Variants in BZW1 observed in about 807,000 individuals in gnomAD.
The protein encoded by BZW1 is eIF5-mimic protein 2.
BZW1 carries 3 observed loss-of-function variants against 54.1 expected under a neutral mutation model. That is an observed-to-expected ratio of 0.06 (90% CI 0.03 to 0.14). The LOEUF is 0.14. Among genes scored for constraint, BZW1 ranks in the 10% least tolerant of loss-of-function variants. The pLI is 1.00. For synonymous variants in BZW1, 152 were observed against 162.7 expected (o/e 0.93, Z 0.50); for missense variants, 206 against 491.7 (o/e 0.42, Z 5.50).
rs2038714339 is a variant in BZW1 at position 200,826,814 on chromosome 2, A to G, written c.*4636A>G. On this transcript the variant is annotated 3_prime_UTR_variant, in exon 12 of 12. Coordinates refer to ENST00000409600, the MANE Select transcript of BZW1 (RefSeq NM_001207067.2). ...GGTTGTGTAGTGCATTTGGGGTGCTACAACGTTAATCAAATATAATTGAGC... is the reference window on the plus strand; with the variant it reads ...GGTTGTGTAGTGCATTTGGGGTGCTGCAACGTTAATCAAATATAATTGAGC... The G allele has an allele frequency of 1.3e-5, 2 of 152,196 alleles. 1 individual carries two copies. The highest frequency in any genetic ancestry group is 1.3e-4 in the Admixed American group (2 of 15,282). The allele number at this position is 152,196 out of a possible 1,614,324, so 9.4% of individuals were successfully genotyped here.
upstream of BZW1, chr2:200,811,745 A>C (rs1161486234): frequency 1.3e-5 from 2 of 153,320 alleles, no homozygotes; most frequent in Admixed American, 6.5e-5. Context: ...AATAAAGAAG[A>C]CTGGAAACGT....
rs375177474 is a variant in BZW1, at chr2:200,812,572, G to A, written c.-11+582G>A. ...GTCCTGGGCGGGAAGCGGGTGATCTGTGGCTCGGGCGGGAGGCATGGGAAG... is the reference window on the plus strand; with the variant it reads ...GTCCTGGGCGGGAAGCGGGTGATCTATGGCTCGGGCGGGAGGCATGGGAAG... On this transcript the variant is annotated intron_variant, in intron 1 of 11. Transcript: ENST00000409600. 2.0e-4 allele frequency: 280 copies of A among 1,411,572 alleles called. 1 individual carries two copies. In the South Asian group the frequency reaches 2.9e-3, roughly 14 times the overall value. 87.4% of individuals were successfully genotyped at this position (1,411,572 alleles called of 1,614,324 possible).
intron 1 of BZW1, chr2:200,812,236 A>G (rs1231882666): frequency 2.4e-6 from 3 of 1,228,862 alleles, no homozygotes; most frequent in Non-Finnish European, 2.0e-6. Flanking sequence ...CTGCGAAGGC[A>G]GTGGCCGAGG....
At chr2:200,816,977 A>G (rs2038319288) in intron 5 of BZW1, 129 bp from the exon 6 acceptor site, 1 of 1,080,682 alleles carries the variant, frequency 9.3e-7, no homozygotes, top group Admixed American at 2.6e-5. Flanking sequence ...ATTGTAACTT[A>G]GATGTAAACT....
At chr2:200,819,581 G>GAGA (rs1466750111) in intron 9 of BZW1, among the ~76,000 whole-genome samples, 1 of 128,148 alleles carries the variant, frequency 7.8e-6, no homozygotes, top group Admixed American at 7.9e-5. Context: ...TTTTTCTCTT[G>GAGA]AGACAGTCTC....
At position 200,815,769 on chromosome 2, in the gene BZW1, A is replaced by G; in HGVS notation, c.336+8A>G. The G allele has an allele frequency of 6.5e-7, 1 of 1,537,818 alleles. No individual in the cohort carries two copies. Among genetic ancestry groups the G allele is most frequent in the Non-Finnish European group, 8.7e-7 (1 of 1,142,998 alleles). ...ATGCAAGCATTTGCTCAGGTAAATG[A>G]AACTTTACATAATTGTTTTCAGTTG... On this transcript the variant is annotated splice_region_variant and intron_variant, in intron 4 of 11. Coordinates refer to ENST00000409600, the MANE Select transcript of BZW1 (RefSeq NM_001207067.2).
At chr2:200,817,363 T>TA in intron 6 of BZW1, 122 bp downstream of exon 6, 3 of 1,267,452 alleles carry the variant, frequency 2.4e-6, no homozygotes, top group South Asian at 2.8e-5. Flanking sequence ...TTAAATTTAA[T>TA]AAGTTCAGTC....
intron 9 of BZW1, 81 bp from the exon 10 acceptor site, chr2:200,819,901 A>G (rs1002875638): frequency 5.6e-6 from 7 of 1,243,836 alleles, no homozygotes; most frequent in Admixed American, 3.4e-5. Flanking sequence ...GTTAAGTTCT[A>G]TATTGTCTGT....
intron 11 of BZW1, 77 bp downstream of exon 11, chr2:200,821,382 C>G: frequency 6.5e-7 from 1 of 1,543,598 alleles, no homozygotes; most frequent in South Asian, 1.2e-5. Context: ...ACACATGCTT[C>G]CTTCTTTCTG....
chr2:200,812,260 G>T (rs2038094928), intron 1 of BZW1: 4 of 1,232,080 alleles, frequency 3.2e-6, no homozygotes, highest in Non-Finnish European at 4.0e-6. Flanking sequence ...GCTCCCTCTG[G>T]GCCGTGCCCG....
At chr2:200,819,614 G>A (rs377187314) in intron 9 of BZW1, among the ~76,000 whole-genome samples, 2 of 148,490 alleles carry the variant, frequency 1.3e-5, no homozygotes, top group Non-Finnish European at 3.0e-5. Flanking sequence ...AGGCTGGAGT[G>A]CAGTGATGTG....
chr2:200,815,327 C>T lies in BZW1; in HGVS notation c.65-14C>T, dbSNP rs765414539. 3.8e-6 allele frequency: 6 copies of T among 1,577,482 alleles called. No homozygotes were observed. In the East Asian group the frequency reaches 6.8e-5, roughly 18 times the overall value. Reference sequence around the variant, plus strand: ...CTTTTAAAACTAAATGTTTTGGGTCCCTTGTCCCCCCAGATGAAAAAGAGA... The same window carrying T: ...CTTTTAAAACTAAATGTTTTGGGTCTCTTGTCCCCCCAGATGAAAAAGAGA... On this transcript the variant is annotated splice_polypyrimidine_tract_variant and intron_variant, in intron 2 of 11. Coordinates refer to ENST00000409600, the MANE Select transcript of BZW1 (RefSeq NM_001207067.2).
chr2:200,822,108 T>A (rs2038546745), intron 11 of BZW1, 39 bp from the exon 12 acceptor site: 1 of 1,569,842 alleles, frequency 6.4e-7, no homozygotes, highest in Non-Finnish European at 8.7e-7. Flanking sequence ...TTTTGCCTTC[T>A]GATACATAAT....
chr2:200,816,037 T>G lies in BZW1; in HGVS notation c.336+276T>G, dbSNP rs77610258. 3.1e-3 allele frequency among the ~76,000 whole-genome samples: 471 copies of G among 152,354 alleles called. 3 individuals carry two copies. Among genetic ancestry groups the G allele is most frequent in the African/African-American group, 0.011 (461 of 41,586 alleles). Reference sequence around the variant, plus strand: ...TCAAGCTGGAAAAGTCAGTTTCGTATTGTGATTTCTCTAGTTTATCTGCAT... The same window carrying G: ...TCAAGCTGGAAAAGTCAGTTTCGTAGTGTGATTTCTCTAGTTTATCTGCAT... On this transcript the variant is annotated intron_variant, in intron 4 of 11. Transcript: ENST00000409600.
chr2:200,812,412 A>G (rs2105859789), intron 1 of BZW1: 3 of 1,278,848 alleles, frequency 2.3e-6, no homozygotes, highest in Middle Eastern at 2.9e-4. Context: ...GGGCGGATGT[A>G]CGGGGCGCCT....
rs1559318394 is a variant in BZW1, at chr2:200,826,407, A to AGATAGATAGATAGATAGATATTTT, written c.*4229_*4230insGATAGATAGATAGATAGATATTTT. On this transcript the variant is annotated 3_prime_UTR_variant, in exon 12 of 12. Coordinates refer to ENST00000409600, the MANE Select transcript of BZW1 (RefSeq NM_001207067.2). ...TAGATAGATAGATAGATAGATAGAT[A>AGATAGATAGATAGATAGATATTTT]TTTTTTTTTTTTTTTTTTTTTTTTT... 3 of 54,948 alleles carry AGATAGATAGATAGATAGATATTTT rather than the reference A, an allele frequency of 5.5e-5. No homozygotes were observed. The highest frequency in any genetic ancestry group is 4.1e-4 in the East Asian group (1 of 2,410). 3.4% of individuals were successfully genotyped at this position (54,948 alleles called of 1,614,324 possible).
intron 6 of BZW1, 89 bp downstream of exon 6, chr2:200,817,330 A>C: frequency 6.8e-7 from 1 of 1,467,702 alleles, no homozygotes; most frequent in East Asian, 2.3e-5. Context: ...ACTTCTGTGA[A>C]AGTCTTCGTT....
chr2:200,818,662 G>C (rs1313989067), intron 8 of BZW1, 93 bp from the exon 9 acceptor site: 1 of 1,382,954 alleles, frequency 7.2e-7, no homozygotes, highest in Admixed American at 2.6e-5. Flanking sequence ...TGGAAAAGGA[G>C]TTGTTAGTTT....
chr2:200,812,597 G>T, intron 1 of BZW1: 1 of 1,388,594 alleles, frequency 7.2e-7, no homozygotes, highest in East Asian at 2.5e-5. Context: ...GGCATGGGAA[G>T]GGTGTGGATT....
Sources: gnomAD v4.1 joint callset for allele counts (sites outside exome capture counted in the v4.1 genomes callset) on GRCh38, gnomAD v4.1.1 for gene constraint, MANE v1.5 for transcripts, NCBI Gene and HGNC (gene_info 2026-07-23, HGNC 2026-07-21) for gene names.